The following MALRD1 variants were observed in gnomAD, a reference collection of about 807,000 sequenced individuals.
The protein encoded by MALRD1 is MAM and LDL-receptor class A domain-containing protein 1.
In MALRD1, 247 loss-of-function variants were observed where a neutral mutation model predicts 242.1. That is an observed-to-expected ratio of 1.02 (90% CI 0.92 to 1.13). The LOEUF (loss-of-function observed/expected upper bound fraction) is 1.13. Ranked by LOEUF, MALRD1 falls within the 50% of genes most tolerant of loss-of-function variation. The probability of loss-of-function intolerance (pLI) is 0.00; values close to 1 mark genes in which losing one functional copy is unlikely to be tolerated. For missense variants in MALRD1, 2,989 were observed against 2,533.1 expected (o/e 1.18, Z -3.86); for synonymous variants, 995 against 866.6 (o/e 1.15, Z -2.60).
chr10:19,085,842 T>A (rs774342463), intron 2 of MALRD1, among the ~76,000 whole-genome samples: 1 of 152,046 alleles, frequency 6.6e-6, no homozygotes, highest in African/African-American at 2.4e-5. Context: ...TTTTTCTGTT[T>A]ATCTCAGGGA....
intron 31 of MALRD1, among the ~76,000 whole-genome samples, chr10:19,522,997 A>C (rs1589192982): frequency 6.6e-6 from 1 of 152,214 alleles, no homozygotes; most frequent in Non-Finnish European, 1.5e-5. Context: ...CCACTGGTAG[A>C]ATCATCTTTA....
At chr10:19,658,487 A>G (rs888473104) in intron 36 of MALRD1, among the ~76,000 whole-genome samples, 6 of 152,050 alleles carry the variant, frequency 3.9e-5, no homozygotes, top group Non-Finnish European at 8.8e-5. Context: ...TGGTTAGGAA[A>G]ACACACCACA....
At chr10:19,097,981 T>A (rs1211608900) in intron 4 of MALRD1, among the ~76,000 whole-genome samples, 3 of 152,174 alleles carry the variant, frequency 2.0e-5, no homozygotes, top group Admixed American at 1.3e-4. Context: ...AACACCCTGC[T>A]CTGTCTATTG....
intron 21 of MALRD1, among the ~76,000 whole-genome samples, chr10:19,318,422 G>A (rs1842790232): frequency 6.6e-6 from 1 of 151,058 alleles, no homozygotes; most frequent in African/African-American, 2.4e-5. Flanking sequence ...TAATATTAGA[G>A]AATTGTTTCC....
intron 10 of MALRD1, among the ~76,000 whole-genome samples, chr10:19,142,949 T>TA (rs1485716867): frequency 1.3e-5 from 2 of 152,218 alleles, no homozygotes; most frequent in Non-Finnish European, 2.9e-5. Flanking sequence ...CTTTTAGCTT[T>TA]AAAAAATATT....
At chr10:19,200,355 T>G (rs1836463722) in intron 14 of MALRD1, among the ~76,000 whole-genome samples, 1 of 152,176 alleles carries the variant, frequency 6.6e-6, no homozygotes, top group Non-Finnish European at 1.5e-5. Flanking sequence ...TTTTTCTCAC[T>G]CAACATGTGC....
chr10:19,148,724 G>A (rs930964530), intron 11 of MALRD1, among the ~76,000 whole-genome samples: 3 of 148,152 alleles, frequency 2.0e-5, no homozygotes, highest in African/African-American at 5.0e-5. Flanking sequence ...GTCTCACCCA[G>A]AGTGTGAGGG....
chr10:19,123,346 A>T (rs141815919), intron 5 of MALRD1, 146 bp from the exon 6 acceptor site: 1 of 392,872 alleles, frequency 2.5e-6, no homozygotes, highest in East Asian at 3.6e-5. Flanking sequence ...AGAGAAAGAG[A>T]TAGGGTTACC....
intron 28 of MALRD1, among the ~76,000 whole-genome samples, chr10:19,436,471 A>C (rs1834355081): frequency 6.6e-6 from 1 of 152,154 alleles, no homozygotes; most frequent in African/African-American, 2.4e-5. Flanking sequence ...CATTCCATTA[A>C]AATGGTTCCA....
chr10:19,538,649 C>G lies in MALRD1; in HGVS notation c.5478+7298C>G, dbSNP rs188527898. ...TCTACAAATAGCAGTTAACTTGGCA[C>G]TGAACAAGATGATTTCTCTAAAAAT... On this transcript the variant is annotated intron_variant, in intron 32 of 39. Transcript: ENST00000454679. 4.3e-3 allele frequency among the ~76,000 whole-genome samples: 648 copies of G among 152,212 alleles called. 12 individuals carry two copies. Among genetic ancestry groups the G allele is most frequent in the Middle Eastern group, 0.027 (8 of 294 alleles).
chr10:19,660,051 C>T (rs955203852), intron 36 of MALRD1, among the ~76,000 whole-genome samples: 6 of 152,076 alleles, frequency 3.9e-5, no homozygotes, highest in Non-Finnish European at 8.8e-5. Context: ...ACCTTTGGGC[C>T]GTGTTTCTCT....
rs143248846 is a variant in MALRD1, at chr10:19,270,317, TTCTC to T, written c.3080-9713_3080-9710del. ...GCCACAGTGAGACTGTCTCTCTCTC[TTCTC>T]TCTCTCTCTCTCTCTCACACACACA... On this transcript the variant is annotated intron_variant, in intron 19 of 39. Transcript: ENST00000454679. 1.4e-3 allele frequency among the ~76,000 whole-genome samples: 180 copies of T among 133,072 alleles called. 2 individuals carry two copies. The highest frequency in any genetic ancestry group is 5.4e-3 in the African/African-American group (168 of 30,938). 87.3% of individuals were successfully genotyped at this position (133,072 alleles called of 152,430 possible).
chr10:19,404,029 G>A (rs756171731), intron 28 of MALRD1, among the ~76,000 whole-genome samples: 1 of 152,046 alleles, frequency 6.6e-6, no homozygotes, highest in Non-Finnish European at 1.5e-5. Context: ...TTTGTTTCTT[G>A]TGAGGTTTTT....
intron 21 of MALRD1, among the ~76,000 whole-genome samples, chr10:19,321,052 A>C (rs1330550743): frequency 6.6e-6 from 1 of 151,848 alleles, no homozygotes; most frequent in Admixed American, 6.6e-5. Flanking sequence ...TCTTTTGCTG[A>C]CCAGAAGCTC....
At chr10:19,643,390 G>A (rs1840490523) in intron 36 of MALRD1, among the ~76,000 whole-genome samples, 1 of 152,144 alleles carries the variant, frequency 6.6e-6, no homozygotes, top group Non-Finnish European at 1.5e-5. Flanking sequence ...AGGTTTCAGT[G>A]AGCCGAGACT....
chr10:19,342,056 G>T (rs557816418), intron 24 of MALRD1, among the ~76,000 whole-genome samples: 88 of 152,150 alleles, frequency 5.8e-4, no homozygotes, highest in Middle Eastern at 3.4e-3. Flanking sequence ...AGGGACTGTG[G>T]TTTGAAGGTA....
In MALRD1 at chr10:19,358,195, A is replaced by AGTGTGTGTGTGTGTGTGTGTGTGTGT. The variant is rs776862926; in HGVS notation, c.4441+5909_4441+5934dup. ...ATATATGCAATCAGGGCAGGAGTCAAGTGTGTGTGTGTGTGTGTGTGTGTG... is the reference window on the plus strand; with the variant it reads ...ATATATGCAATCAGGGCAGGAGTCAAGTGTGTGTGTGTGTGTGTGTGTGTGTGTGTGTGTGTGTGTGTGTGTGTGTG... On this transcript the variant is annotated intron_variant, in intron 26 of 39. Coordinates refer to ENST00000454679, the MANE Select transcript of MALRD1 (RefSeq NM_001142308.3). Among the ~76,000 whole-genome samples the AGTGTGTGTGTGTGTGTGTGTGTGTGT allele has an allele frequency of 7.6e-5, 11 of 145,574 alleles. 1 individual carries two copies. Among genetic ancestry groups the AGTGTGTGTGTGTGTGTGTGTGTGTGT allele is most frequent in the African/African-American group, 2.6e-4 (10 of 38,384 alleles).
intron 38 of MALRD1, among the ~76,000 whole-genome samples, chr10:19,719,396 A>G (rs965077264): frequency 6.6e-6 from 1 of 151,300 alleles, no homozygotes; most frequent in Non-Finnish European, 1.5e-5. Flanking sequence ...TTTCTTTAAG[A>G]TTAAGTTACA....
intron 14 of MALRD1, among the ~76,000 whole-genome samples, chr10:19,196,290 C>A (rs561682047): frequency 7.4e-4 from 113 of 152,260 alleles, no homozygotes; most frequent in African/African-American, 2.3e-3. Context: ...TTCCTCCTTT[C>A]TTTTATATTA....
Sources: gnomAD v4.1 joint callset for allele counts (sites outside exome capture counted in the v4.1 genomes callset) on GRCh38, gnomAD v4.1.1 for gene constraint, MANE v1.5 for transcripts, NCBI Gene and HGNC (gene_info 2026-07-23, HGNC 2026-07-21) for gene names.